The following NELL1 variants were observed in gnomAD, a reference collection of about 807,000 sequenced individuals.
NELL1 encodes neural EGFL like 1.
A neutral mutation model predicts 107.4 loss-of-function variants in NELL1; 76 were observed. The ratio of observed to expected loss-of-function variants is 0.71; its 90% confidence interval spans 0.59 to 0.86. The LOEUF (loss-of-function observed/expected upper bound fraction) is 0.86, where lower values mean the gene tolerates loss of function less well. NELL1 is among the 40% of genes least tolerant of loss of function. The pLI, the probability that NELL1 is intolerant of heterozygous loss-of-function variation, is 0.00. For synonymous variants in NELL1, 353 were observed against 341.2 expected, an observed-to-expected ratio of 1.03 and a Z score of -0.38; for missense variants, 1,024 against 1,005.5, an observed-to-expected ratio of 1.02 and a Z score of -0.25.
intron 3 of NELL1, among the ~76,000 whole-genome samples, chr11:20,799,086 C>T (rs1161656677): frequency 3.5e-5 from 5 of 143,742 alleles, no homozygotes; most frequent in Admixed American, 7.2e-5. Flanking sequence ...GAAGATAGGA[C>T]GTTTGTCCTC....
At chr11:20,841,181 C>A (rs555473701) in intron 3 of NELL1, among the ~76,000 whole-genome samples, 5 of 152,216 alleles carry the variant, frequency 3.3e-5, no homozygotes, top group Admixed American at 3.3e-4. Context: ...TTTATAGACC[C>A]AGACTTTTTC....
chr11:21,339,547 C>T lies in NELL1; in HGVS notation c.1550-31306C>T, dbSNP rs760367753. On this transcript the variant is annotated intron_variant, in intron 14 of 19. Transcript: ENST00000357134. ...TCCAAACTGGTACATTTCTTTTCATCGTGTCAGTGCCAATACTGATAATTA... is the reference window on the plus strand; with the variant it reads ...TCCAAACTGGTACATTTCTTTTCATTGTGTCAGTGCCAATACTGATAATTA... Among the ~76,000 whole-genome samples the T allele has an allele frequency of 1.5e-3, 231 of 152,278 alleles. 1 individual carries two copies. Among genetic ancestry groups the T allele is most frequent in the Middle Eastern group, 3.4e-3 (1 of 294 alleles).
chr11:21,571,409 C>T (rs1439064758), intron 18 of NELL1, among the ~76,000 whole-genome samples: 3 of 151,860 alleles, frequency 2.0e-5, no homozygotes, highest in African/African-American at 7.2e-5. Context: ...AAATGATTAC[C>T]TTGGGCAAGT....
At chr11:21,055,667 A>G (rs1169405858) in intron 12 of NELL1, among the ~76,000 whole-genome samples, 1 of 152,032 alleles carries the variant, frequency 6.6e-6, no homozygotes, top group Non-Finnish European at 1.5e-5. Context: ...CTCATCTCAT[A>G]CTGAATGGAG....
At chr11:21,484,284 A>T (rs907580208) in intron 15 of NELL1, among the ~76,000 whole-genome samples, 23 of 151,598 alleles carry the variant, frequency 1.5e-4, no homozygotes, top group African/African-American at 5.3e-4. Context: ...GGTGAAATTC[A>T]TCTCCTTATG....
chr11:21,413,690 C>T (rs933931238), intron 15 of NELL1, among the ~76,000 whole-genome samples: 2 of 152,054 alleles, frequency 1.3e-5, no homozygotes, highest in African/African-American at 4.8e-5. Context: ...TGCATGGTCA[C>T]CCCTTCTCCT....
At chr11:21,426,557 C>T (rs1456971793) in intron 15 of NELL1, among the ~76,000 whole-genome samples, 1 of 152,172 alleles carries the variant, frequency 6.6e-6, no homozygotes, top group Non-Finnish European at 1.5e-5. Flanking sequence ...CATACATTCT[C>T]TTACCTTCAA....
intron 13 of NELL1, among the ~76,000 whole-genome samples, chr11:21,225,192 A>G (rs75904402): frequency 0.023 from 3,573 of 152,240 alleles, 142 homozygotes; most frequent in African/African-American, 0.082. Context: ...CTATGAATGG[A>G]TACATTCTGG....
intron 12 of NELL1, 152 bp downstream of exon 12, chr11:20,960,712 C>G: frequency 1.1e-6 from 1 of 905,044 alleles, no homozygotes; most frequent in South Asian, 1.8e-5. Flanking sequence ...TCTCTGTTCT[C>G]CTGGTTTATC....
At chr11:21,225,254 G>A (rs1278043786) in intron 13 of NELL1, among the ~76,000 whole-genome samples, 2 of 152,110 alleles carry the variant, frequency 1.3e-5, no homozygotes, top group Non-Finnish European at 2.9e-5. Flanking sequence ...TGGATCCAGG[G>A]GAGTGCAAAG....
At chr11:21,290,713 T>G (rs766331620) in intron 14 of NELL1, among the ~76,000 whole-genome samples, 52 of 151,968 alleles carry the variant, frequency 3.4e-4, no homozygotes, top group Admixed American at 9.8e-4. Context: ...GGGTCTGGAG[T>G]GGACCTTCAG....
chr11:20,699,605 A>G (rs1914983), intron 2 of NELL1, among the ~76,000 whole-genome samples: 30,029 of 152,036 alleles, frequency 0.2, 3,263 homozygotes, highest in African/African-American at 0.25. Context: ...TGATCTGCCC[A>G]CCTTGGCCTC....
chr11:21,556,605 C>G (rs1191348923), intron 16 of NELL1, among the ~76,000 whole-genome samples: 1 of 151,828 alleles, frequency 6.6e-6, no homozygotes, highest in Non-Finnish European at 1.5e-5. Context: ...ACCTAAAAAC[C>G]TCACATCAAA....
chr11:20,741,995 A>C (rs1855901116), intron 2 of NELL1, among the ~76,000 whole-genome samples: 1 of 152,232 alleles, frequency 6.6e-6, no homozygotes, highest in Non-Finnish European at 1.5e-5. Flanking sequence ...CCCAGAAGAC[A>C]CTGATGCTGC....
At chr11:21,444,414 A>T (rs893097184) in intron 15 of NELL1, among the ~76,000 whole-genome samples, 2 of 152,102 alleles carry the variant, frequency 1.3e-5, no homozygotes, top group Non-Finnish European at 2.9e-5. Context: ...TACATAGCAA[A>T]ACTGTTTTTC....
chr11:21,032,951 A>G (rs1853000315), intron 12 of NELL1, among the ~76,000 whole-genome samples: 1 of 152,090 alleles, frequency 6.6e-6, no homozygotes, highest in African/African-American at 2.4e-5. Flanking sequence ...TGGTGAACAC[A>G]TTTGTTTTTT....
At chr11:21,559,277 A>T in intron 16 of NELL1, among the ~76,000 whole-genome samples, 1 of 152,184 alleles carries the variant, frequency 6.6e-6, no homozygotes, top group Non-Finnish European at 1.5e-5. Context: ...AAATGAGTAG[A>T]AGTTACTCGG....
intron 2 of NELL1, among the ~76,000 whole-genome samples, chr11:20,697,222 G>T (rs1434556240): frequency 6.6e-6 from 1 of 151,996 alleles, no homozygotes; most frequent in Non-Finnish European, 1.5e-5. Context: ...AATCATTTTG[G>T]AACACCTCTG....
intron 13 of NELL1, among the ~76,000 whole-genome samples, chr11:21,133,820 C>T (rs1043651099): frequency 2.0e-5 from 3 of 152,148 alleles, no homozygotes; most frequent in East Asian, 3.9e-4. Context: ...TGAGAGCAAA[C>T]GGAGGCCCGG....
Sources: gnomAD v4.1 joint callset for allele counts (sites outside exome capture counted in the v4.1 genomes callset) on GRCh38, gnomAD v4.1.1 for gene constraint, MANE v1.5 for transcripts, NCBI Gene and HGNC (gene_info 2026-07-23, HGNC 2026-07-21) for gene names.